KIF20B: variants seen among roughly 807,000 people sequenced by gnomAD.
KIF20B encodes the protein kinesin-like protein KIF20B.
Under a neutral mutation model 232.5 loss-of-function variants are expected in KIF20B, and 188 were observed. That is an observed-to-expected ratio of 0.81 (90% CI 0.72 to 0.91). The LOEUF is 0.91. Among genes scored for constraint, KIF20B ranks in the 40% least tolerant of loss-of-function variants. KIF20B has a pLI of 0.00. For missense variants in KIF20B, 2,154 were observed against 2,055.9 expected, an observed-to-expected ratio of 1.05 and a Z score of -0.92; for synonymous variants, 712 against 683.0, an observed-to-expected ratio of 1.04 and a Z score of -0.66.
At chr10:89,752,426 T>C (rs1842039325) in intron 24 of KIF20B, 141 bp from the exon 25 acceptor site, 1 of 499,236 alleles carries the variant, frequency 2.0e-6, no homozygotes, top group Non-Finnish European at 3.3e-6. Context: ...AGTTAAACTA[T>C]AGAATAGCCT....
intron 5 of KIF20B, among the ~76,000 whole-genome samples, chr10:89,710,294 T>C (rs1426273826): frequency 6.6e-6 from 1 of 150,648 alleles, no homozygotes; most frequent in Non-Finnish European, 1.5e-5. Context: ...TGATCTCAGC[T>C]CACTACAACC....
rs138843552 is a variant in KIF20B at position 89,738,959 on chromosome 10, T to C, written c.3778T>C (p.Leu1260=). The part of the protein sequence containing the change: ...EETNRQETEK[L]KEELSASSAR... Reference sequence around the variant, plus strand: ...AGAAAAGTGGTTTATGTTTTTTAGATTGAAAGAGGAACTCTCTGCAAGCTC... The same window carrying C: ...AGAAAAGTGGTTTATGTTTTTTAGACTGAAAGAGGAACTCTCTGCAAGCTC... The change falls in exon 21 of 33, where the codon TTG becomes CTG. Residue 1260 remains leucine, a splice_region_variant and synonymous_variant. Coordinates refer to ENST00000371728, the MANE Select transcript of KIF20B (RefSeq NM_001284259.2). 61 of 1,609,004 alleles carry C rather than the reference T, an allele frequency of 3.8e-5. No homozygotes were observed. Among genetic ancestry groups the C allele is most frequent in the Middle Eastern group, 1.7e-4 (1 of 6,060 alleles).
At position 89,758,796 on chromosome 10, in the gene KIF20B, C is replaced by G. The variant is rs747420235; in HGVS notation, c.4594C>G (p.Gln1532Glu). The G allele has an allele frequency of 2.6e-5, 41 of 1,606,348 alleles. No homozygotes were observed. Among genetic ancestry groups the G allele is most frequent in the Non-Finnish European group, 3.2e-5 (38 of 1,175,868 alleles). The change falls in exon 27 of 33, where the codon CAG becomes GAG. Residue 1532 changes from glutamine to glutamate, a missense_variant. By Grantham distance (29) the Gln-to-Glu change is conservative (BLOSUM62 2). Coordinates refer to ENST00000371728, the MANE Select transcript of KIF20B (RefSeq NM_001284259.2). ...TCAACTGGTTGCAGCTTTAGAAATACAGCTAAAAGCACTGATATCCAGTAA... is the reference window on the plus strand; with the variant it reads ...TCAACTGGTTGCAGCTTTAGAAATAGAGCTAAAAGCACTGATATCCAGTAA... Reference protein sequence around the residue: ...RDQLVAALEIQLKALISSNVQ... With the variant: ...RDQLVAALEIELKALISSNVQ...
intron 13 of KIF20B, 32 bp downstream of exon 13, chr10:89,719,738 G>A: frequency 6.7e-7 from 1 of 1,499,666 alleles, no homozygotes; most frequent in South Asian, 1.3e-5. Context: ...TTCTATGCTT[G>A]TCTTCTTATT....
At chr10:89,711,808 G>T (rs114365966) in intron 6 of KIF20B, among the ~76,000 whole-genome samples, 159 of 151,652 alleles carry the variant, frequency 1.0e-3, no homozygotes, top group African/African-American at 2.9e-3. Flanking sequence ...TCTTTAACTT[G>T]TTTTTTTAAA....
Position 89,737,866 on chromosome 10 carries a change from C to A in KIF20B, c.3025C>A (p.Leu1009Ile). 1.9e-6 allele frequency: 3 copies of A among 1,613,484 alleles called. No homozygotes were observed. The highest frequency in any genetic ancestry group is 2.5e-6 in the Non-Finnish European group (3 of 1,179,548). ...GATTTCAAACATAGATTTGCTCAAT[C>A]TCAGGGATCTGTCAAATGGTTCTGA... ...SQISNIDLLN[L>I]RDLSNGSEED... The change falls in exon 20 of 33, where the codon CTC (leucine) becomes ATC (isoleucine). Residue 1009 changes from leucine (L) to isoleucine (I), a missense_variant. Leu to Ile is a conservative substitution (Grantham distance 5). Transcript: ENST00000371728.
chr10:89,732,066 T>G (rs1335376611), intron 18 of KIF20B, among the ~76,000 whole-genome samples: 1 of 151,820 alleles, frequency 6.6e-6, no homozygotes, highest in Non-Finnish European at 1.5e-5. Flanking sequence ...AGTTTTACCC[T>G]TCTTCTAAAT....
chr10:89,737,595 ACTTTCT>A lies in KIF20B; in HGVS notation c.2761_2766del (p.Leu921_Ser922del), dbSNP rs778155509. ...AACAGATTGTTCATTTTCAGCAGGAACTTTCTCTTTCTGAAAAAAAGAATTTAACTT... is the reference window on the plus strand; with the variant it reads ...AACAGATTGTTCATTTTCAGCAGGAACTTTCTGAAAAAAAGAATTTAACTT... On this transcript the variant is annotated inframe_deletion, in exon 20 of 33. Transcript: ENST00000371728. The A allele has an allele frequency of 3.9e-5, 63 of 1,604,778 alleles. No homozygotes were observed. The highest frequency in any genetic ancestry group is 1.1e-4 in the East Asian group (5 of 44,766).
intron 19 of KIF20B, among the ~76,000 whole-genome samples, chr10:89,733,500 A>T (rs574893302): frequency 6.6e-6 from 1 of 152,178 alleles, no homozygotes; most frequent in Non-Finnish European, 1.5e-5. Context: ...ATACCAGGAG[A>T]CAGTCTGATG....
Position 89,768,330 on chromosome 10 carries a change from G to C in KIF20B, c.5030G>C (p.Arg1677Thr), listed in dbSNP as rs201898545. The change falls in exon 30 of 33, where the codon AGA becomes ACA. Residue 1677 changes from arginine (R) to threonine (T), a missense_variant. Coordinates refer to ENST00000371728, the MANE Select transcript of KIF20B (RefSeq NM_001284259.2). ...GAAAATAAGAAGAATGCTACACCCA[G>C]AACTAATTTGAAATTTCCTATTTCA... ...KCENKKNATP[R>T]TNLKFPISDD... The C allele has an allele frequency of 4.7e-5, 74 of 1,590,474 alleles. No homozygotes were observed. The highest frequency in any genetic ancestry group is 6.0e-5 in the Non-Finnish European group (70 of 1,167,424).
At chr10:89,751,190 T>C (rs1842014777) in intron 23 of KIF20B, among the ~76,000 whole-genome samples, 156 bp from the exon 24 acceptor site, 1 of 152,120 alleles carries the variant, frequency 6.6e-6, no homozygotes, top group African/African-American at 2.4e-5. Context: ...GTTGTAGACA[T>C]TGAGGATATT....
At chr10:89,753,588 A>G (rs1842063359) in intron 25 of KIF20B, among the ~76,000 whole-genome samples, 1 of 152,100 alleles carries the variant, frequency 6.6e-6, no homozygotes, top group Admixed American at 6.6e-5. Context: ...CCTGGAATGG[A>G]CTGCCATACT....
In KIF20B at chr10:89,762,184, T is replaced by C. The variant is rs1842255473; in HGVS notation, c.4792-454T>C. 2.0e-5 allele frequency among the ~76,000 whole-genome samples: 3 copies of C among 152,120 alleles called. No homozygotes were observed. In the South Asian group the frequency reaches 6.2e-4, roughly 32 times the overall value. ...GATTGAGCCTTAGAGGACCATAATG[T>C]TATTTCTACCACATCCTATTGGCTA... On this transcript the variant is annotated intron_variant, in intron 28 of 32. Transcript: ENST00000371728.
At chr10:89,746,479 C>T (rs540350655) in intron 23 of KIF20B, among the ~76,000 whole-genome samples, 1 of 152,312 alleles carries the variant, frequency 6.6e-6, no homozygotes, top group East Asian at 1.9e-4. Flanking sequence ...GGCCTGCCAG[C>T]ATCTGCTGGT....
At chr10:89,760,660 A>G (rs772191569) in intron 28 of KIF20B, 24 bp downstream of exon 28, 2 of 1,335,690 alleles carry the variant, frequency 1.5e-6, no homozygotes, top group Non-Finnish European at 2.2e-6. Flanking sequence ...AGCACAGTCC[A>G]CTTATTTATT....
intron 32 of KIF20B, 26 bp from the exon 33 acceptor site, chr10:89,773,945 A>C: frequency 7.2e-7 from 1 of 1,388,384 alleles, no homozygotes; most frequent in South Asian, 1.4e-5. Context: ...ACAAGCTTTG[A>C]AAAACTATGA....
chr10:89,764,226 T>G (rs1156293184), intron 29 of KIF20B, among the ~76,000 whole-genome samples: 1 of 152,100 alleles, frequency 6.6e-6, no homozygotes, highest in African/African-American at 2.4e-5. Context: ...GGACATGAAC[T>G]CATCATTTTT....
intron 13 of KIF20B, 115 bp from the exon 14 acceptor site, chr10:89,723,848 AG>A (rs1236216277): frequency 4.6e-6 from 4 of 869,338 alleles, no homozygotes; most frequent in Non-Finnish European, 6.3e-6. Context: ...ACTATTAAAA[AG>A]GACACAGAAT....
chr10:89,714,824 T>A, intron 7 of KIF20B, 131 bp from the exon 8 acceptor site: 1 of 615,784 alleles, frequency 1.6e-6, no homozygotes, highest in East Asian at 3.1e-5. Flanking sequence ...TTCCAAAAAG[T>A]TTTTAACATA....
Sources: allele counts gnomAD v4.1 joint callset (sites outside exome capture counted in the v4.1 genomes callset), GRCh38; gene constraint gnomAD v4.1.1; transcripts MANE v1.5; gene names NCBI Gene and HGNC (gene_info 2026-07-23, HGNC 2026-07-21).